Variants in XAGE2 observed in about 807,000 individuals in gnomAD.
XAGE2 encodes the protein X antigen family member 2, also known as G antigen family D member 3.
Under a neutral mutation model 9.9 loss-of-function variants are expected in XAGE2, and 7 were observed. The ratio of observed to expected loss-of-function variants is 0.71; its 90% CI spans 0.40 to 1.32. XAGE2 has a LOEUF of 1.32. XAGE2 is among the 40% of genes most tolerant of loss of function. XAGE2 has a pLI of 0.01. For synonymous variants in XAGE2, 31 were observed against 26.8 expected, an observed-to-expected ratio of 1.16 and a Z score of -0.48; for missense variants, 85 against 81.0, an observed-to-expected ratio of 1.05 and a Z score of -0.19.
At chrX:52,372,447 G>T (rs1156521780) in intron 3 of XAGE2, 97 bp from the exon 4 acceptor site, 118 of 1,083,570 alleles carry the variant, frequency 1.1e-4, no homozygotes, top group Non-Finnish European at 1.5e-4. Context: ...TAGCCTACAG[G>T]CTTTTATGTC....
chrX:52,372,391 A>G (rs1208933945), intron 3 of XAGE2, among the ~76,000 whole-genome samples, 153 bp from the exon 4 acceptor site: 1 of 111,881 alleles, frequency 8.9e-6, no homozygotes, highest in Non-Finnish European at 1.9e-5. Flanking sequence ...TTCATAATAC[A>G]GGAAAACAAA....
intron 4 of XAGE2, 111 bp from the exon 5 acceptor site, chrX:52,375,458 A>G: frequency 1.3e-6 from 1 of 763,124 alleles, no homozygotes; most frequent in Non-Finnish European, 2.0e-6. Context: ...TCTTGGGTTT[A>G]TGGTCTTAGT....
At chrX:52,371,525 G>A (rs1921192378) in intron 3 of XAGE2, among the ~76,000 whole-genome samples, 1 of 112,007 alleles carries the variant, frequency 8.9e-6, no homozygotes, top group Non-Finnish European at 1.9e-5. Flanking sequence ...AAAACTCAAA[G>A]TATGATACAA....
intron 4 of XAGE2, among the ~76,000 whole-genome samples, chrX:52,374,656 CTG>C (rs1921269911): frequency 8.9e-6 from 1 of 112,077 alleles, no homozygotes; most frequent in African/African-American, 3.2e-5. Context: ...ATCACAAAGA[CTG>C]TGCATGAACT....
intron 4 of XAGE2, 40 bp from the exon 5 acceptor site, chrX:52,375,529 T>C: frequency 9.2e-6 from 11 of 1,194,217 alleles, no homozygotes; most frequent in Non-Finnish European, 1.2e-5. Flanking sequence ...CTAAATACAG[T>C]TCTGCTAGTA....
At chrX:52,370,247 C>T in intron 2 of XAGE2, 152 bp downstream of exon 2, 1 of 660,050 alleles carries the variant, frequency 1.5e-6, no homozygotes, top group Non-Finnish European at 2.4e-6. Flanking sequence ...AAGAGTATTA[C>T]AATCTGATTT....
chrX:52,371,135 A>C (rs1199028727), intron 3 of XAGE2, among the ~76,000 whole-genome samples: 2 of 111,872 alleles, frequency 1.8e-5, no homozygotes, highest in Non-Finnish European at 3.8e-5. Context: ...TAAAAAGGAA[A>C]TGGTTGCTCA....
At chrX:52,369,715 A>G (rs1921144538) in intron 1 of XAGE2, among the ~76,000 whole-genome samples, 4 of 112,385 alleles carry the variant, frequency 3.6e-5, no homozygotes. Flanking sequence ...CTAGCTGTAT[A>G]AACTTAAATG....
chrX:52,370,230 C>T, intron 2 of XAGE2, 135 bp downstream of exon 2: 3 of 710,116 alleles, frequency 4.2e-6, no homozygotes, highest in Non-Finnish European at 6.5e-6. Flanking sequence ...GAAGGAAAGA[C>T]TAATCCAAGA....
chrX:52,370,801 T>A, intron 3 of XAGE2, 129 bp downstream of exon 3: 1 of 629,052 alleles, frequency 1.6e-6, no homozygotes, highest in Non-Finnish European at 2.5e-6. Context: ...TTGCTCAAAG[T>A]AGGCTGGAAA....
At position 52,370,543 on chromosome X, in the gene XAGE2, C is replaced by T. The variant is rs1028123146; in HGVS notation, c.82-24C>T. 146 of 1,177,450 alleles carry T rather than the reference C, an allele frequency of 1.2e-4. No individual in the cohort carries two copies. In the African/African-American group the frequency reaches 2.2e-3, roughly 18 times the overall value. ...ACTAACAAAACTTTTTATCTGCACA[C>T]ATACTGCCTCCCCTTTGTCCCAGGA... On this transcript the variant is annotated intron_variant, in intron 2 of 4. Coordinates refer to ENST00000286049, the MANE Select transcript of XAGE2 (RefSeq NM_130777.3).
In XAGE2 at chrX:52,373,883, C is replaced by G. The variant is rs1021000116; in HGVS notation, c.313+1214C>G. The stretch of plus-strand genomic sequence containing the variant: ...AGTTTTCAGGAGCCGATTGAACAAG[C>G]CTCAGTTGTATTCTTAGGAAGATCA... On this transcript the variant is annotated intron_variant, in intron 4 of 4. Transcript: ENST00000286049. Among the ~76,000 whole-genome samples the G allele has an allele frequency of 1.8e-4, 20 of 111,293 alleles. No homozygotes were observed. The South Asian group carries it at 5.0e-3, about 28-fold the overall frequency.
intron 3 of XAGE2, 60 bp downstream of exon 3, chrX:52,370,732 G>A: frequency 9.6e-7 from 1 of 1,045,088 alleles, no homozygotes. Flanking sequence ...TGTCCATCAT[G>A]CCTTATGCCA....
At chrX:52,370,185 T>G (rs1432192083) in intron 2 of XAGE2, 90 bp downstream of exon 2, 1 of 889,471 alleles carries the variant, frequency 1.1e-6, no homozygotes. Flanking sequence ...CTGATAAAGG[T>G]CTTCCATGTT....
intron 3 of XAGE2, among the ~76,000 whole-genome samples, chrX:52,370,979 T>G (rs1220596780): frequency 8.9e-6 from 1 of 112,316 alleles, no homozygotes; most frequent in Non-Finnish European, 1.9e-5. Flanking sequence ...TAATTTGATC[T>G]TCTTAGAATG....
rs977386344 is a variant in XAGE2, at chrX:52,369,106, C to T, written c.-117C>T. ...GACCCCTTTGCCCACGTGGTGACCG[C>T]TGGGGAGCTGTGAGAGTGTGAGGGG... On this transcript the variant is annotated 5_prime_UTR_variant, in exon 1 of 5. Transcript: ENST00000286049. 2 of 111,433 alleles carry T rather than the reference C, an allele frequency of 1.8e-5. No homozygotes were observed. Among genetic ancestry groups the T allele is most frequent in the Non-Finnish European group, 3.8e-5 (2 of 53,246 alleles). The allele number at this position is 111,433 out of a possible 1,213,427, so 9.2% of individuals were successfully genotyped here. A position where few individuals can be genotyped will look rare whatever the true frequency, so the allele number is the denominator to read the frequency against.
chrX:52,375,077 C>A (rs982175992), intron 4 of XAGE2, among the ~76,000 whole-genome samples: 2 of 111,901 alleles, frequency 1.8e-5, no homozygotes, highest in Non-Finnish European at 3.8e-5. Flanking sequence ...TATGCAGCTT[C>A]TAATGTGACA....
intron 3 of XAGE2, 149 bp downstream of exon 3, chrX:52,370,821 T>C (rs1039389459): frequency 1.9e-6 from 1 of 520,095 alleles, no homozygotes; most frequent in Non-Finnish European, 3.2e-6. Flanking sequence ...AAGTGAAGAG[T>C]ATAGTTTGCA....
chrX:52,372,674 G>A lies in XAGE2; in HGVS notation c.313+5G>A, dbSNP rs1569558061. On this transcript the variant is annotated splice_donor_5th_base_variant and intron_variant, in intron 4 of 4. Coordinates refer to ENST00000286049, the MANE Select transcript of XAGE2 (RefSeq NM_130777.3). ...ACTTTAAAATGCCAGAAGCAGGTGT[G>A]TTATTCATTAAGACACAAAGTTATG... is the stretch of plus-strand genomic sequence containing the variant. 4.1e-6 allele frequency: 5 copies of A among 1,210,184 alleles called. No individual in the cohort carries two copies. Among genetic ancestry groups the A allele is most frequent in the Non-Finnish European group, 5.6e-6 (5 of 894,424 alleles).
Sources: gnomAD v4.1 joint callset for allele counts (sites outside exome capture counted in the v4.1 genomes callset) on GRCh38, gnomAD v4.1.1 for gene constraint, MANE v1.5 for transcripts, NCBI Gene and HGNC (gene_info 2026-07-23, HGNC 2026-07-21) for gene names.